The following SAE1 variants were observed in gnomAD, a reference collection of about 807,000 sequenced individuals.
The protein encoded by SAE1 is SUMO-activating enzyme subunit 1.
SAE1 carries 11 observed loss-of-function variants against 40.6 expected under a neutral mutation model. The ratio of observed to expected loss-of-function variants is 0.27; its 90% CI spans 0.17 to 0.45. The LOEUF (loss-of-function observed/expected upper bound fraction) is 0.45. Among genes scored for constraint, SAE1 ranks in the 20% least tolerant of loss-of-function variants. The pLI, the probability that SAE1 is intolerant of heterozygous loss-of-function variation, is 1.00. For missense variants in SAE1, 373 were observed against 427.3 expected (o/e 0.87, Z 1.12); for synonymous variants, 155 against 154.3 (o/e 1.00, Z -0.03).
intron 1 of SAE1, 193 bp downstream of exon 1, chr19:47,131,221 T>G: frequency 7.5e-7 from 1 of 1,337,462 alleles, no homozygotes. Context: ...GGGAAGTGGT[T>G]GGGAGGGCCG....
chr19:47,202,318 T>C (rs974176856), intron 7 of SAE1, among the ~76,000 whole-genome samples: 1 of 151,924 alleles, frequency 6.6e-6, no homozygotes, highest in South Asian at 2.1e-4. Flanking sequence ...TGAGACAGTC[T>C]TGCCCTGTCA....
intron 6 of SAE1, among the ~76,000 whole-genome samples, chr19:47,190,476 C>G (rs927033359): frequency 1.3e-5 from 2 of 152,140 alleles, no homozygotes; most frequent in African/African-American, 4.8e-5. Context: ...TCTTCCTGCC[C>G]CCCTCCACTG....
chr19:47,179,517 AAAACTC>A, intron 6 of SAE1, among the ~76,000 whole-genome samples: 1 of 152,122 alleles, frequency 6.6e-6, no homozygotes, highest in Non-Finnish European at 1.5e-5. Context: ...AAAAAAAAGA[AAAACTC>A]TAAATAAATA....
At chr19:47,180,682 A>T (rs1372010033) in intron 6 of SAE1, among the ~76,000 whole-genome samples, 1 of 152,056 alleles carries the variant, frequency 6.6e-6, no homozygotes, top group African/African-American at 2.4e-5. Flanking sequence ...AGTTAGCCAG[A>T]TACAGTGGTG....
chr19:47,185,215 T>C (rs964818267), intron 6 of SAE1, among the ~76,000 whole-genome samples: 1 of 152,216 alleles, frequency 6.6e-6, no homozygotes, highest in East Asian at 1.9e-4. Flanking sequence ...CCATGTAATA[T>C]TCCATTCTGT....
intron 6 of SAE1, among the ~76,000 whole-genome samples, chr19:47,183,777 C>T (rs2058525954): frequency 6.6e-6 from 1 of 152,194 alleles, no homozygotes; most frequent in Admixed American, 6.5e-5. Context: ...GCCATCTTCC[C>T]TCGGCAAGAG....
chr19:47,151,005 C>CGAA, intron 3 of SAE1, among the ~76,000 whole-genome samples: 1 of 152,156 alleles, frequency 6.6e-6, no homozygotes, highest in Non-Finnish European at 1.5e-5. Flanking sequence ...TGCAACCTTT[C>CGAA]AGACATAGTT....
intron 6 of SAE1, among the ~76,000 whole-genome samples, chr19:47,173,608 C>T (rs1354157458): frequency 6.6e-6 from 1 of 152,040 alleles, no homozygotes; most frequent in Non-Finnish European, 1.5e-5. Context: ...CTGTCCTGTG[C>T]ACTGTGGGAT....
intron 5 of SAE1, among the ~76,000 whole-genome samples, chr19:47,167,502 A>T (rs551392391): frequency 6.6e-6 from 1 of 152,190 alleles, no homozygotes; most frequent in East Asian, 1.9e-4. Context: ...GGCCTCCCAA[A>T]GTGCTGGGAT....
chr19:47,204,229 G>A (rs1164712266), intron 8 of SAE1, among the ~76,000 whole-genome samples: 3 of 111,950 alleles, frequency 2.7e-5, no homozygotes, highest in Admixed American at 1.4e-4. Flanking sequence ...ATGGAGTCTC[G>A]CTCTGTCCCC....
intron 6 of SAE1, among the ~76,000 whole-genome samples, chr19:47,175,686 G>A (rs1037095586): frequency 5.3e-5 from 8 of 152,190 alleles, no homozygotes; most frequent in Non-Finnish European, 8.8e-5. Flanking sequence ...GCAGTGAGCC[G>A]AGATCGTGCC....
intron 6 of SAE1, among the ~76,000 whole-genome samples, chr19:47,174,224 G>T (rs902788648): frequency 4.0e-5 from 6 of 151,398 alleles, no homozygotes; most frequent in Non-Finnish European, 8.8e-5. Context: ...TTTCAGTTTT[G>T]AGTTCCAGGG....
intron 6 of SAE1, among the ~76,000 whole-genome samples, chr19:47,193,434 A>G (rs968307709): frequency 6.6e-6 from 1 of 152,140 alleles, no homozygotes; most frequent in Non-Finnish European, 1.5e-5. Context: ...GTTCTTGAAA[A>G]AGAGAAGAGA....
chr19:47,187,526 CT>C (rs2058551318), intron 6 of SAE1, among the ~76,000 whole-genome samples: 1 of 152,084 alleles, frequency 6.6e-6, no homozygotes, highest in South Asian at 2.1e-4. Context: ...GCTTGTGTCA[CT>C]TTATTTTTTT....
At position 47,169,831 on chromosome 19, in the gene SAE1, G is replaced by T. The variant is rs2058419385; in HGVS notation, c.641G>T (p.Cys214Phe). 6.2e-7 allele frequency: 1 copy of T among 1,613,650 alleles called. No individual in the cohort carries two copies. Among genetic ancestry groups the T allele is most frequent in the Non-Finnish European group, 8.5e-7 (1 of 1,179,686 alleles). ...TTMVKKKVVF[C>F]PVKEALEVDW... is the part of the protein sequence containing the mutation. The stretch of plus-strand genomic sequence containing the variant: ...TTTTTTCCACAGAAGGTGGTCTTCT[G>T]CCCTGTTAAAGAAGCCCTGGAGGTG... Residue 214 changes from cysteine (C) to phenylalanine (F), a missense_variant, in exon 6 of 9, where the codon TGC (cysteine) becomes TTC (phenylalanine). By Grantham distance (205) the Cys-to-Phe change is radical. Coordinates refer to ENST00000270225, the MANE Select transcript of SAE1 (RefSeq NM_005500.3).
intron 6 of SAE1, among the ~76,000 whole-genome samples, chr19:47,193,882 A>G (rs956383912): frequency 2.0e-5 from 3 of 152,092 alleles, no homozygotes; most frequent in Non-Finnish European, 4.4e-5. Flanking sequence ...CTTCTCTGAT[A>G]TGCAGAGCCC....
rs374397052 is a variant in SAE1, at chr19:47,203,684, G to A, written c.892G>A (p.Glu298Lys). The stretch of plus-strand genomic sequence containing the variant: ...CCTCTCTTTTAGGTACTGCTTCTCC[G>A]AGATGGCCCCAGTGTGTGCGGTGGT... The part of the protein sequence containing the change: ...PEDFVRYCFS[E>K]MAPVCAVVGG... Residue 298 changes from glutamate (E) to lysine (K), a missense_variant, in exon 8 of 9, where the codon GAG becomes AAG. By Grantham distance (56) the Glu-to-Lys change is moderately conservative (BLOSUM62 1). Transcript: ENST00000270225. 56 of 1,613,882 alleles carry A rather than the reference G, an allele frequency of 3.5e-5. No individual in the cohort carries two copies. The highest frequency in any genetic ancestry group is 6.7e-5 in the African/African-American group (5 of 74,872).
chr19:47,153,005 C>T lies in SAE1; in HGVS notation c.492C>T (p.Tyr164=). The T allele has an allele frequency of 6.2e-7, 1 of 1,613,408 alleles. No individual in the cohort carries two copies. The highest frequency in any genetic ancestry group is 8.5e-7 in the Non-Finnish European group (1 of 1,179,792). The change falls in exon 4 of 9, where the codon TAC becomes TAT. Residue 164 remains tyrosine, a synonymous_variant. Coordinates refer to ENST00000270225, the MANE Select transcript of SAE1 (RefSeq NM_005500.3). ...GAGATGTTTTTGGCTACCATGGATACACATTTGCCAATCTAGGAGAGCATG... is the reference window on the plus strand; with the variant it reads ...GAGATGTTTTTGGCTACCATGGATATACATTTGCCAATCTAGGAGAGCATG... ...FTGDVFGYHG[Y]TFANLGEHEF...
chr19:47,150,963 G>A (rs369694869), intron 3 of SAE1, among the ~76,000 whole-genome samples: 14 of 152,256 alleles, frequency 9.2e-5, no homozygotes, highest in Admixed American at 2.6e-4. Context: ...AAATCTATGC[G>A]GAGGTGAAAG....
Sources: allele counts gnomAD v4.1 joint callset (sites outside exome capture counted in the v4.1 genomes callset), GRCh38; gene constraint gnomAD v4.1.1; transcripts MANE v1.5; gene names NCBI Gene and HGNC (gene_info 2026-07-23, HGNC 2026-07-21).